The following EFCAB5 variants were observed in gnomAD, a reference collection of about 807,000 sequenced individuals.
EFCAB5 encodes EF-hand calcium binding domain 5, also known as EF-hand calcium-binding domain-containing protein 5.
A neutral mutation model predicts 167.9 loss-of-function variants in EFCAB5; 131 were observed. The observed-to-expected ratio is 0.78, with a 90% CI of 0.68 to 0.90. The LOEUF (loss-of-function observed/expected upper bound fraction) is 0.90. EFCAB5 is among the 40% of genes least tolerant of loss of function. The pLI is 0.00. For missense variants in EFCAB5, 1,663 were observed against 1,745.2 expected (o/e 0.95, Z 0.84); for synonymous variants, 574 against 602.8 (o/e 0.95, Z 0.70).
At chr17:30,103,604 T>A (rs1232257057) in intron 22 of EFCAB5, among the ~76,000 whole-genome samples, 1 of 152,200 alleles carries the variant, frequency 6.6e-6, no homozygotes, top group African/African-American at 2.4e-5. Flanking sequence ...TCCTGATAAA[T>A]CTGGGAGGCA....
At chr17:30,007,713 G>A (rs375487451) in intron 7 of EFCAB5, among the ~76,000 whole-genome samples, 6 of 152,172 alleles carry the variant, frequency 3.9e-5, no homozygotes, top group African/African-American at 1.4e-4. Flanking sequence ...TTAGCCCAGA[G>A]TGGTGACCCA....
At chr17:30,096,082 T>C (rs1399674764) in intron 22 of EFCAB5, among the ~76,000 whole-genome samples, 3 of 152,208 alleles carry the variant, frequency 2.0e-5, no homozygotes, top group Non-Finnish European at 4.4e-5. Flanking sequence ...GTTATGATAT[T>C]AGACAAGTAC....
At position 30,082,950 on chromosome 17, in the gene EFCAB5, G is replaced by T. The variant is rs1197462384; in HGVS notation, c.3486G>T (p.Leu1162=). The change falls in exon 18 of 23, where the codon CTG becomes CTT. Residue 1162 remains leucine, a synonymous_variant. Coordinates refer to ENST00000394835, the MANE Select transcript of EFCAB5 (RefSeq NM_198529.4). The part of the protein sequence containing the change: ...YHYVHSREHI[L]HIVITGIGWL... ...ACGTCCACAGCCGGGAGCACATTCT[G>T]CATATTGTGATCACTGGCATAGGCT... is the stretch of plus-strand genomic sequence containing the variant. The T allele has an allele frequency of 6.2e-7, 1 of 1,613,906 alleles. No homozygotes were observed. The highest frequency in any genetic ancestry group is 1.7e-5 in the Admixed American group (1 of 60,008).
At chr17:30,042,069 C>T (rs1043409037) in intron 8 of EFCAB5, among the ~76,000 whole-genome samples, 9 of 151,404 alleles carry the variant, frequency 5.9e-5, no homozygotes, top group East Asian at 3.9e-4. Context: ...AGTGCAGTGG[C>T]GCAGTCTTGG....
At chr17:30,101,071 T>C (rs2071376788) in intron 22 of EFCAB5, among the ~76,000 whole-genome samples, 1 of 152,186 alleles carries the variant, frequency 6.6e-6, no homozygotes, top group South Asian at 2.1e-4. Flanking sequence ...TATCATAATG[T>C]CTTGATTTTA....
intron 4 of EFCAB5, among the ~76,000 whole-genome samples, chr17:29,971,652 T>C (rs574642472): frequency 3.9e-5 from 6 of 152,238 alleles, no homozygotes; most frequent in African/African-American, 9.6e-5. Context: ...CTTAGATTCC[T>C]TAATGATGAA....
intron 4 of EFCAB5, among the ~76,000 whole-genome samples, 157 bp from the exon 5 acceptor site, chr17:29,993,008 T>C (rs1383483659): frequency 6.6e-6 from 1 of 152,182 alleles, no homozygotes; most frequent in Non-Finnish European, 1.5e-5. Context: ...ATTCAATAAG[T>C]GCTTGTGGAA....
rs117807683 is a variant in EFCAB5 at position 30,090,314 on chromosome 17, A to G, written c.3684-107A>G. 8.0e-3 allele frequency: 11,207 copies of G among 1,395,380 alleles called. 93 individuals carry two copies. The highest frequency in any genetic ancestry group is 0.028 in the South Asian group (1,953 of 68,876). 86.4% of individuals were successfully genotyped at this position (1,395,380 alleles called of 1,614,324 possible). A position where few individuals can be genotyped will look rare whatever the true frequency, so the allele number is the denominator to read the frequency against. On this transcript the variant is annotated intron_variant, in intron 19 of 22. Coordinates refer to ENST00000394835, the MANE Select transcript of EFCAB5 (RefSeq NM_198529.4). ...AGATGAAACAGCAAGAAGGGCTGGC[A>G]TGGTGGAAGTGAGGTAGGCACAAGA...
chr17:29,930,219 G>A (rs1397404577), intron 1 of EFCAB5: 1 of 556,126 alleles, frequency 1.8e-6, no homozygotes, highest in East Asian at 3.1e-5. Flanking sequence ...CCGCAGCTGC[G>A]GGGCACAATG....
At chr17:30,030,527 G>A (rs1451052886) in intron 7 of EFCAB5, among the ~76,000 whole-genome samples, 1 of 152,144 alleles carries the variant, frequency 6.6e-6, no homozygotes, top group African/African-American at 2.4e-5. Flanking sequence ...ATTTTTAGTA[G>A]AGATGAGGTT....
At chr17:29,986,968 T>C (rs2068301249) in intron 4 of EFCAB5, among the ~76,000 whole-genome samples, 1 of 152,072 alleles carries the variant, frequency 6.6e-6, no homozygotes, top group Admixed American at 6.6e-5. Flanking sequence ...TTTTGATAAA[T>C]ACTGAGACCA....
intron 14 of EFCAB5, among the ~76,000 whole-genome samples, chr17:30,066,719 C>T (rs1266814473): frequency 6.6e-6 from 1 of 151,438 alleles, no homozygotes; most frequent in African/African-American, 2.4e-5. Context: ...AAAAAATCAA[C>T]AAAACAAAAA....
intron 5 of EFCAB5, among the ~76,000 whole-genome samples, chr17:29,993,933 A>G (rs1364696677): frequency 6.6e-6 from 1 of 151,350 alleles, no homozygotes; most frequent in Admixed American, 6.6e-5. Context: ...AGCCTAGGCA[A>G]TATAGGGAGA....
At chr17:29,939,245 G>T (rs1305897109), upstream of EFCAB5, among the ~76,000 whole-genome samples, 1 of 152,140 alleles carries the variant, frequency 6.6e-6, no homozygotes, top group East Asian at 1.9e-4. Flanking sequence ...GATCTCAAGG[G>T]TGTATTTAAA....
chr17:30,085,402 A>G (rs957453627), intron 18 of EFCAB5, among the ~76,000 whole-genome samples: 2 of 152,200 alleles, frequency 1.3e-5, no homozygotes, highest in Admixed American at 6.5e-5. Context: ...GCCTTCCCAT[A>G]AGATGTCCAT....
At chr17:30,041,736 A>G (rs2151754335) in intron 8 of EFCAB5, among the ~76,000 whole-genome samples, 1 of 152,322 alleles carries the variant, frequency 6.6e-6, no homozygotes. Context: ...AGCAAACTTC[A>G]TTGTTGTCTT....
At chr17:30,056,756 A>G (rs926036301) in intron 12 of EFCAB5, among the ~76,000 whole-genome samples, 2 of 152,190 alleles carry the variant, frequency 1.3e-5, no homozygotes, top group African/African-American at 4.8e-5. Flanking sequence ...TCTTCTTCCT[A>G]CCTGCAAATT....
intron 14 of EFCAB5, among the ~76,000 whole-genome samples, 170 bp from the exon 15 acceptor site, chr17:30,078,045 G>C (rs1350641603): frequency 6.6e-6 from 1 of 152,132 alleles, no homozygotes; most frequent in Non-Finnish European, 1.5e-5. Flanking sequence ...GTTCAACATA[G>C]AAATTCATTG....
rs1374983626 is a variant in EFCAB5, at chr17:30,054,109, G to A, written c.2155G>A (p.Glu719Lys). 3 of 1,574,044 alleles carry A rather than the reference G, an allele frequency of 1.9e-6. No homozygotes were observed. The highest frequency in any genetic ancestry group is 2.6e-6 in the Non-Finnish European group (3 of 1,160,504). ...EEIFLSSELQ[E>K]EVPTLSRKDH... ...AATATTCCTGAGTTCTGAACTGCAA[G>A]AGGAAGTTCCAACCTTAAGCAGAAA... The change falls in exon 10 of 23, where the codon GAG becomes AAG. Residue 719 changes from glutamate to lysine, a missense_variant. Coordinates refer to ENST00000394835, the MANE Select transcript of EFCAB5 (RefSeq NM_198529.4).
Sources: gnomAD v4.1 joint callset for allele counts (sites outside exome capture counted in the v4.1 genomes callset) on GRCh38, gnomAD v4.1.1 for gene constraint, MANE v1.5 for transcripts, NCBI Gene and HGNC (gene_info 2026-07-23, HGNC 2026-07-21) for gene names.